The following GNA14 variants were observed in gnomAD, a reference collection of about 807,000 sequenced individuals.
GNA14 encodes guanine nucleotide-binding protein subunit alpha-14.
GNA14 carries 50 observed loss-of-function variants against 42.0 expected under a neutral mutation model. That is an observed-to-expected ratio of 1.19 (90% CI 0.95 to 1.51). GNA14 has a LOEUF of 1.51. GNA14 is among the 40% of genes most tolerant of loss of function. GNA14 has a pLI of 0.00. For synonymous variants in GNA14, 173 were observed against 163.1 expected (o/e 1.06, Z -0.46); for missense variants, 473 against 446.2 (o/e 1.06, Z -0.54).
intron 1 of GNA14, among the ~76,000 whole-genome samples, chr9:77,546,329 A>G (rs1837720248): frequency 6.6e-6 from 1 of 151,972 alleles, no homozygotes; most frequent in Non-Finnish European, 1.5e-5. Context: ...TCCCAATATA[A>G]ATGAAATATA....
chr9:77,579,314 T>C (rs1272417655), intron 1 of GNA14, among the ~76,000 whole-genome samples: 1 of 152,110 alleles, frequency 6.6e-6, no homozygotes, highest in East Asian at 1.9e-4. Flanking sequence ...CACAGGCTAC[T>C]GGGAATAAAT....
chr9:77,468,327 A>AT (rs1195525083), intron 2 of GNA14, among the ~76,000 whole-genome samples: 1 of 152,274 alleles, frequency 6.6e-6, no homozygotes, highest in East Asian at 1.9e-4. Context: ...GTTGTTTATA[A>AT]TTTTTACCAG....
At chr9:77,513,558 GA>G (rs1837203140) in intron 2 of GNA14, among the ~76,000 whole-genome samples, 1 of 152,230 alleles carries the variant, frequency 6.6e-6, no homozygotes, top group Admixed American at 6.5e-5. Flanking sequence ...AGTACTGGAA[GA>G]GACAACTGTG....
At chr9:77,503,193 G>T (rs1047253968) in intron 2 of GNA14, among the ~76,000 whole-genome samples, 3 of 152,170 alleles carry the variant, frequency 2.0e-5, no homozygotes, top group Admixed American at 6.5e-5. Flanking sequence ...TTCCAGAAAT[G>T]GGGGTTCCCA....
intron 1 of GNA14, among the ~76,000 whole-genome samples, chr9:77,622,789 G>A (rs1050712315): frequency 2.3e-4 from 34 of 150,784 alleles, no homozygotes; most frequent in Admixed American, 5.9e-4. Flanking sequence ...AAATGCTTGG[G>A]AGGCTGAGGC....
At chr9:77,636,098 C>G (rs1009338898) in intron 1 of GNA14, among the ~76,000 whole-genome samples, 2 of 152,076 alleles carry the variant, frequency 1.3e-5, no homozygotes, top group Non-Finnish European at 2.9e-5. Context: ...GAAGATAATT[C>G]TACAAAAGAT....
At chr9:77,518,663 T>C (rs1002323345) in intron 2 of GNA14, among the ~76,000 whole-genome samples, 5 of 152,174 alleles carry the variant, frequency 3.3e-5, no homozygotes, top group African/African-American at 9.7e-5. Flanking sequence ...AACTTAACTA[T>C]GCAAATGATT....
intron 1 of GNA14, among the ~76,000 whole-genome samples, chr9:77,612,663 T>TA (rs894428019): frequency 2.3e-3 from 324 of 140,638 alleles, no homozygotes; most frequent in East Asian, 7.3e-3. Flanking sequence ...GGCTATTATT[T>TA]AAAAAAAAAA....
chr9:77,580,261 T>A, intron 1 of GNA14: 1 of 291,716 alleles, frequency 3.4e-6, no homozygotes. Flanking sequence ...GATAAGCTGA[T>A]TTGGAAGCAA....
intron 1 of GNA14, among the ~76,000 whole-genome samples, chr9:77,562,090 T>C (rs1224690408): frequency 6.6e-6 from 1 of 152,172 alleles, no homozygotes; most frequent in Non-Finnish European, 1.5e-5. Context: ...TCACACATCT[T>C]AACAATGGGA....
At chr9:77,576,205 G>A (rs544532324) in intron 1 of GNA14, among the ~76,000 whole-genome samples, 14 of 152,090 alleles carry the variant, frequency 9.2e-5, no homozygotes, top group Non-Finnish European at 1.9e-4. Context: ...ATATGGTGAG[G>A]GAGGGTCAGG....
chr9:77,498,393 A>AAAG lies in GNA14; in HGVS notation c.309+30675_309+30676insCTT, dbSNP rs199664092. 1.1e-3 allele frequency among the ~76,000 whole-genome samples: 169 copies of AAAG among 150,524 alleles called. 1 individual carries two copies. The highest frequency in any genetic ancestry group is 3.8e-3 in the African/African-American group (155 of 40,934). ...TGTCTCAAAAAAAAAAAAAAAGAAA[A>AAAG]AAAAGAAAAAGAAAACAAGCTGCAC... On this transcript the variant is annotated intron_variant, in intron 2 of 6. Coordinates refer to ENST00000341700, the MANE Select transcript of GNA14 (RefSeq NM_004297.4).
chr9:77,429,935 C>T (rs1228057995), intron 4 of GNA14, among the ~76,000 whole-genome samples: 2 of 151,870 alleles, frequency 1.3e-5, no homozygotes, highest in Non-Finnish European at 2.9e-5. Context: ...CACCCCACCA[C>T]ACACACACAC....
chr9:77,531,147 C>T (rs958364461), intron 1 of GNA14, among the ~76,000 whole-genome samples: 1 of 152,156 alleles, frequency 6.6e-6, no homozygotes, highest in Non-Finnish European at 1.5e-5. Context: ...CCAGTAAAGG[C>T]AGGGCCCGAG....
At chr9:77,585,330 A>G (rs1019744698) in intron 1 of GNA14, among the ~76,000 whole-genome samples, 1 of 152,190 alleles carries the variant, frequency 6.6e-6, no homozygotes, top group African/African-American at 2.4e-5. Flanking sequence ...CCAAACACAG[A>G]GTTGAAGTTT....
At chr9:77,478,753 T>G (rs1412838309) in intron 2 of GNA14, among the ~76,000 whole-genome samples, 3 of 152,218 alleles carry the variant, frequency 2.0e-5, no homozygotes, top group Non-Finnish European at 4.4e-5. Context: ...CATTGTGGTT[T>G]TGATTTGCAT....
At chr9:77,436,698 C>G (rs759182528) in intron 2 of GNA14, among the ~76,000 whole-genome samples, 1 of 152,196 alleles carries the variant, frequency 6.6e-6, no homozygotes, top group Non-Finnish European at 1.5e-5. Flanking sequence ...GTCTGTTTTC[C>G]TCTCTGTCTT....
intron 2 of GNA14, among the ~76,000 whole-genome samples, chr9:77,478,184 C>T (rs149518429): frequency 6.6e-6 from 1 of 151,390 alleles, no homozygotes. Context: ...CTCCTCCCCC[C>T]ACCCCACAAC....
At chr9:77,595,112 A>G (rs1003932390) in intron 1 of GNA14, among the ~76,000 whole-genome samples, 1 of 152,176 alleles carries the variant, frequency 6.6e-6, no homozygotes, top group Non-Finnish European at 1.5e-5. Context: ...GCTGTTTGCC[A>G]TGTCTCAAGC....
Sources: allele counts gnomAD v4.1 joint callset (sites outside exome capture counted in the v4.1 genomes callset), GRCh38; gene constraint gnomAD v4.1.1; transcripts MANE v1.5; gene names NCBI Gene and HGNC (gene_info 2026-07-23, HGNC 2026-07-21).